The following DIP2A variants were observed in gnomAD, a reference collection of about 807,000 sequenced individuals.
DIP2A encodes the protein disco-interacting protein 2 homolog A.
DIP2A carries 85 observed loss-of-function variants against 177.4 expected under a neutral mutation model. The ratio of observed to expected loss-of-function variants is 0.48; its 90% CI spans 0.40 to 0.57. The LOEUF (loss-of-function observed/expected upper bound fraction) is 0.57. Among genes scored for constraint, DIP2A ranks in the 20% least tolerant of loss-of-function variants. The probability of loss-of-function intolerance (pLI) is 0.00; values close to 1 mark genes in which losing one functional copy is unlikely to be tolerated. For synonymous variants in DIP2A, 886 were observed against 881.8 expected (o/e 1.00, Z -0.08); for missense variants, 1,791 against 2,100.2 (o/e 0.85, Z 2.88).
At chr21:46,536,812 G>C (rs1682594864) in intron 13 of DIP2A, among the ~76,000 whole-genome samples, 2 of 151,970 alleles carry the variant, frequency 1.3e-5, no homozygotes, top group Admixed American at 6.6e-5. Context: ...GCTCAGACAG[G>C]AGAATTGCTT....
downstream of DIP2A, among the ~76,000 whole-genome samples, chr21:46,574,335 G>A (rs987578647): frequency 2.0e-5 from 3 of 152,122 alleles, no homozygotes; most frequent in Admixed American, 2.0e-4. Flanking sequence ...AGCAAAAGCA[G>A]TGCTAAAGAA....
rs564516407 is a variant in DIP2A at position 46,460,755 on chromosome 21, G to A, written c.91+1533G>A. Among the ~76,000 whole-genome samples, 29 of 151,932 alleles carry A rather than the reference G, an allele frequency of 1.9e-4. No homozygotes were observed. The East Asian group carries it at 2.9e-3, about 15-fold the overall frequency. On this transcript the variant is annotated intron_variant, in intron 1 of 37. Coordinates refer to ENST00000417564, the MANE Select transcript of DIP2A (RefSeq NM_015151.4). ...GTTGCCCAGGCTGGAGTGCAATGGC[G>A]TGATCTCGGCTCACTGCAACCTCTG...
chr21:46,543,541 G>GCTCCCCTAGGCA (rs1569078089), intron 18 of DIP2A, among the ~76,000 whole-genome samples: 1 of 24,772 alleles, frequency 4.0e-5, no homozygotes, highest in Non-Finnish European at 7.5e-5. Flanking sequence ...CGTGCAAAGC[G>GCTCCCCTAGGCA]CTCCCCCAGG....
chr21:46,570,909 A>G (rs1213400799), downstream of DIP2A, among the ~76,000 whole-genome samples: 2 of 152,240 alleles, frequency 1.3e-5, no homozygotes, highest in African/African-American at 4.8e-5. Flanking sequence ...AAGAGACCAC[A>G]CAGATACCAA....
chr21:46,554,876 T>A lies in DIP2A; in HGVS notation c.3331T>A (p.Ser1111Thr). 6.5e-7 allele frequency: 1 copy of A among 1,541,840 alleles called. No individual in the cohort carries two copies. Among genetic ancestry groups the A allele is most frequent in the Non-Finnish European group, 8.7e-7 (1 of 1,145,622 alleles). ...GCAGGCTGTCACACGGCTGCTCAGG[T>A]CCAAGGAGGCTGCTGCTGCCGTGGA... ...TTQAVTRLLR[S>T]KEAAAAVDIR... The change falls in exon 28 of 38, where the codon TCC becomes ACC. Residue 1111 changes from serine (S) to threonine (T), a missense_variant. Ser to Thr is a moderately conservative substitution (Grantham distance 58, BLOSUM62 1). Coordinates refer to ENST00000417564, the MANE Select transcript of DIP2A (RefSeq NM_015151.4).
At chr21:46,496,866 T>C (rs2057385255) in intron 3 of DIP2A, 122 bp from the exon 4 acceptor site, 3 of 936,656 alleles carry the variant, frequency 3.2e-6, no homozygotes, top group Non-Finnish European at 4.5e-6. Flanking sequence ...CATGTGAGGA[T>C]AGACAGAGAG....
At position 46,516,492 on chromosome 21, in the gene DIP2A, T is replaced by C. The variant is rs960114306; in HGVS notation, c.1102+4878T>C. ...TAATCTTGTCTTCTGAAATTTCTTTTTTTTTTTTTTTTTTTTTGAGATGGA... is the reference window on the plus strand; with the variant it reads ...TAATCTTGTCTTCTGAAATTTCTTTCTTTTTTTTTTTTTTTTTGAGATGGA... On this transcript the variant is annotated intron_variant, in intron 8 of 37. Coordinates refer to ENST00000417564, the MANE Select transcript of DIP2A (RefSeq NM_015151.4). Among the ~76,000 whole-genome samples, 40 of 122,402 alleles carry C rather than the reference T, an allele frequency of 3.3e-4. 1 individual carries two copies. Among genetic ancestry groups the C allele is most frequent in the African/African-American group, 1.0e-3 (35 of 33,840 alleles). The allele number at this position is 122,402 out of a possible 152,430, so 80.3% of individuals were successfully genotyped here.
At chr21:46,517,132 A>G (rs2148664499) in intron 8 of DIP2A, among the ~76,000 whole-genome samples, 1 of 139,878 alleles carries the variant, frequency 7.1e-6, no homozygotes, top group South Asian at 2.3e-4. Context: ...GGTGATCACA[A>G]CTCACTGCAG....
chr21:46,463,713 TG>T (rs1568890559), intron 1 of DIP2A, among the ~76,000 whole-genome samples: 3,020 of 145,796 alleles, frequency 0.021, 90 homozygotes, highest in African/African-American at 0.068. Flanking sequence ...TGTGTGTGTG[TG>T]TGTGTATATT....
chr21:46,563,306 G>A lies in DIP2A; in HGVS notation c.4090-552G>A, dbSNP rs915517809. Among the ~76,000 whole-genome samples, 10 of 152,330 alleles carry A rather than the reference G, an allele frequency of 6.6e-5. No homozygotes were observed. Among genetic ancestry groups the A allele is most frequent in the Non-Finnish European group, 1.2e-4 (8 of 68,028 alleles). The stretch of plus-strand genomic sequence containing the variant: ...CACAGAACAAGCATCCAGGCCTTGT[G>A]CAGTCAGGTGGTCTGACCTGAGCCC... On this transcript the variant is annotated intron_variant, in intron 34 of 37. Coordinates refer to ENST00000417564, the MANE Select transcript of DIP2A (RefSeq NM_015151.4). This position sits in a 1 kb window ranked among gnomAD's most constrained non-coding sequence, Gnocchi z 4.3.
At position 46,563,664 on chromosome 21, in the gene DIP2A, T is replaced by A; in HGVS notation, c.4090-194T>A. On this transcript the variant is annotated intron_variant, in intron 34 of 37. Transcript: ENST00000417564. This position sits in a 1 kb window ranked among gnomAD's most constrained non-coding sequence, Gnocchi z 4.3. ...TTCTCAGGAACTGGAGTCATTTTGCTTATTTCTATTAACATCTCTTATTTC... is the reference window on the plus strand; with the variant it reads ...TTCTCAGGAACTGGAGTCATTTTGCATATTTCTATTAACATCTCTTATTTC... 1 of 1,057,826 alleles carries A rather than the reference T, an allele frequency of 9.5e-7. No homozygotes were observed. The highest frequency in any genetic ancestry group is 1.3e-6 in the Non-Finnish European group (1 of 770,422). 65.5% of individuals were successfully genotyped at this position (1,057,826 alleles called of 1,614,324 possible).
chr21:46,541,973 G>A (rs1308970852), intron 18 of DIP2A, 78 bp downstream of exon 18: 19 of 1,570,110 alleles, frequency 1.2e-5, no homozygotes, highest in African/African-American at 1.3e-5. Flanking sequence ...GTTTTGAGAC[G>A]GAGTCTTGCT....
At chr21:46,533,705 A>T in intron 11 of DIP2A, 58 bp downstream of exon 11, 1 of 1,602,938 alleles carries the variant, frequency 6.2e-7, no homozygotes, top group Non-Finnish European at 8.5e-7. Context: ...TGTTAAATGC[A>T]TGGTGTTCCA....
chr21:46,542,959 C>A (rs1004885304), intron 18 of DIP2A, among the ~76,000 whole-genome samples: 22 of 152,366 alleles, frequency 1.4e-4, no homozygotes, highest in African/African-American at 5.3e-4. Flanking sequence ...GCCCAGCCAT[C>A]TCTAACCTGG....
At chr21:46,551,492 G>A (rs534743745) in intron 23 of DIP2A, 142 bp from the exon 24 acceptor site, 1 of 715,650 alleles carries the variant, frequency 1.4e-6, no homozygotes. Context: ...CTTGTAGCTA[G>A]CTTTCTGAAT....
intron 3 of DIP2A, among the ~76,000 whole-genome samples, chr21:46,496,203 C>T (rs181517444): frequency 5.3e-4 from 81 of 152,196 alleles, no homozygotes; most frequent in African/African-American, 1.9e-3. Flanking sequence ...GTCCAGCCTA[C>T]CTCTTTCATC....
At chr21:46,550,879 G>T in intron 23 of DIP2A, 135 bp downstream of exon 23, 1 of 914,490 alleles carries the variant, frequency 1.1e-6, no homozygotes, top group South Asian at 1.6e-5. Context: ...GAGCCAGAGC[G>T]AGTGTGCACC....
intron 7 of DIP2A, among the ~76,000 whole-genome samples, chr21:46,510,198 G>T (rs1275531723): frequency 6.6e-6 from 1 of 152,178 alleles, no homozygotes; most frequent in Non-Finnish European, 1.5e-5. Context: ...ATGTTCTAGG[G>T]CAGGAAGCAT....
chr21:46,558,689 T>C (rs896172666), intron 32 of DIP2A: 3 of 408,274 alleles, frequency 7.3e-6, no homozygotes, highest in Non-Finnish European at 1.3e-5. Context: ...TAAAGCAAGA[T>C]TGAACTTACT....
Sources: gnomAD v4.1 joint callset for allele counts (sites outside exome capture counted in the v4.1 genomes callset) on GRCh38, gnomAD v4.1.1 for gene constraint, Gnocchi (gnomAD v3.1) non-coding constraint, MANE v1.5 for transcripts, NCBI Gene and HGNC (gene_info 2026-07-23, HGNC 2026-07-21) for gene names.